The following DDX54 variants were observed in gnomAD, a reference collection of about 807,000 sequenced individuals.
DDX54 encodes ATP-dependent RNA helicase DDX54.
In DDX54, 67 loss-of-function variants were observed where a neutral mutation model predicts 105.5. That is an observed-to-expected ratio of 0.64 (90% confidence interval 0.52 to 0.78). The LOEUF is 0.78. Among genes scored for constraint, DDX54 ranks in the 30% least tolerant of loss-of-function variants. DDX54 has a pLI of 0.00. For missense variants in DDX54, 1,206 were observed against 1,230.5 expected, an observed-to-expected ratio of 0.98 and a Z score of 0.30; for synonymous variants, 514 against 509.9, an observed-to-expected ratio of 1.01 and a Z score of -0.11.
chr12:113,185,093 C>G (rs943815227), intron 1 of DDX54, among the ~76,000 whole-genome samples, 185 bp downstream of exon 1: 2 of 152,230 alleles, frequency 1.3e-5, no homozygotes, highest in African/African-American at 4.8e-5. Flanking sequence ...GGCCGCGGAA[C>G]CCTGAGCCTG....
intron 10 of DDX54, 121 bp from the exon 11 acceptor site, chr12:113,172,684 C>G (rs78501032): frequency 0.012 from 15,352 of 1,248,500 alleles, 107 homozygotes; most frequent in Non-Finnish European, 0.014. Context: ...GTTCTGGAGT[C>G]TGGCACCCTT....
chr12:113,174,308 T>C (rs769960254), intron 10 of DDX54, among the ~76,000 whole-genome samples: 1 of 152,056 alleles, frequency 6.6e-6, no homozygotes, highest in Non-Finnish European at 1.5e-5. Context: ...TGAGAACCTG[T>C]CTTTACAAAA....
rs1952151310 is a variant in DDX54, at chr12:113,157,818, G to T, written c.*1059C>A. 1.5e-5 allele frequency: 11 copies of T among 723,724 alleles called. No homozygotes were observed. In the South Asian group the frequency reaches 1.9e-4, roughly 12 times the overall value. 44.8% of individuals were successfully genotyped at this position (723,724 alleles called of 1,614,324 possible). On this transcript the variant is annotated 3_prime_UTR_variant, in exon 20 of 20. Transcript: ENST00000306014. Reference sequence around the variant, plus strand: ...TTGGGAAGATGGGAGGGCTGTGCCTGTTCAGAGTGCTGTGGGCCTGCCATG... The same window carrying T: ...TTGGGAAGATGGGAGGGCTGTGCCTTTTCAGAGTGCTGTGGGCCTGCCATG...
chr12:113,172,601 A>C (rs1427332108), intron 10 of DDX54, 38 bp from the exon 11 acceptor site: 2 of 1,605,966 alleles, frequency 1.2e-6, no homozygotes, highest in Non-Finnish European at 1.7e-6. Flanking sequence ...TGAGAAGGAG[A>C]CTTGGAGGAG....
chr12:113,159,092 C>T lies in DDX54; in HGVS notation c.2431G>A (p.Ala811Thr), dbSNP rs201014565. 2.7e-4 allele frequency: 439 copies of T among 1,601,950 alleles called. No individual in the cohort carries two copies. The highest frequency in any genetic ancestry group is 1.1e-3 in the East Asian group (51 of 44,678). ...DRGQGASRPH[A>T]PGTPAGRVRP... Reference sequence around the variant, plus strand: ...ACTCGGCCTGCAGGGGTGCCTGGGGCGTGGGGCCGGGATGCACCTGCTGGG... The same window carrying T: ...ACTCGGCCTGCAGGGGTGCCTGGGGTGTGGGGCCGGGATGCACCTGCTGGG... The change falls in exon 20 of 20, where the codon GCC becomes ACC. Residue 811 changes from alanine (A) to threonine (T), a missense_variant. Ala to Thr is a moderately conservative substitution (Grantham distance 58, BLOSUM62 0). Coordinates refer to ENST00000306014, the MANE Select transcript of DDX54 (RefSeq NM_024072.4).
chr12:113,175,169 G>GAGGGC lies in DDX54; in HGVS notation c.753-17_753-13dup. 1 of 1,598,590 alleles carries GAGGGC rather than the reference G, an allele frequency of 6.3e-7. No individual in the cohort carries two copies. Among genetic ancestry groups the GAGGGC allele is most frequent in the Non-Finnish European group, 8.5e-7 (1 of 1,174,562 alleles). On this transcript the variant is annotated splice_polypyrimidine_tract_variant and intron_variant, in intron 7 of 19. Transcript: ENST00000306014. ...CCATTTCAAAAAGCCTGGAAGGGTA[G>GAGGGC]AGGGCAGGACTGGGTCAGAGGGGGC...
intron 1 of DDX54, among the ~76,000 whole-genome samples, chr12:113,184,714 T>A (rs1214222180): frequency 6.6e-6 from 1 of 152,128 alleles, no homozygotes; most frequent in African/African-American, 2.4e-5. Context: ...TGGTCTCAGC[T>A]ACCGGAGAGG....
In DDX54 at chr12:113,176,828, C is replaced by A. The variant is rs752011913; in HGVS notation, c.752+12G>T. ...CAGACACAAGTGCTCAGGGCTGGACCTGCAGCCTTACCGGTCAGCTTCATC... is the reference window on the plus strand; with the variant it reads ...CAGACACAAGTGCTCAGGGCTGGACATGCAGCCTTACCGGTCAGCTTCATC... On this transcript the variant is annotated intron_variant, in intron 7 of 19. Coordinates refer to ENST00000306014, the MANE Select transcript of DDX54 (RefSeq NM_024072.4). The A allele has an allele frequency of 1.9e-6, 3 of 1,613,842 alleles. No individual in the cohort carries two copies. Among genetic ancestry groups the A allele is most frequent in the South Asian group, 1.1e-5 (1 of 91,034 alleles).
At chr12:113,180,656 T>G (rs1952455639) in intron 2 of DDX54, among the ~76,000 whole-genome samples, 1 of 151,612 alleles carries the variant, frequency 6.6e-6, no homozygotes, top group African/African-American at 2.4e-5. Context: ...TCCCTCCTTC[T>G]GAAATGTCCC....
intron 11 of DDX54, 24 bp downstream of exon 11, chr12:113,172,329 C>T (rs1952350455): frequency 6.2e-7 from 1 of 1,607,544 alleles, no homozygotes. Context: ...CTGCCTGCCC[C>T]AGGGCCAGCC....
In DDX54 at chr12:113,162,965, T is replaced by C. The variant is rs866568580; in HGVS notation, c.2162A>G (p.Gln721Arg). The C allele has an allele frequency of 4.4e-6, 7 of 1,607,824 alleles. No individual in the cohort carries two copies. The highest frequency in any genetic ancestry group is 5.9e-6 in the Non-Finnish European group (7 of 1,179,632). Residue 721 changes from glutamine (Q) to arginine (R), a missense_variant, in exon 17 of 20, where the codon CAG (glutamine) becomes CGG (arginine). By Grantham distance (43) the Gln-to-Arg change is conservative. Around this residue, in one of 3 missense-constraint regions of DDX54, gnomAD observed 961 missense variants for 1,019.1 expected, o/e 0.94. Coordinates refer to ENST00000306014, the MANE Select transcript of DDX54 (RefSeq NM_024072.4). ...CTGCTGCCGGCCCCTCGTCAGGTTC[T>C]GGGCTTCATCCCCCATCAAGTCCAG... ...AVLDLMGDEA[Q>R]NLTRGRQQLK...
chr12:113,161,742 G>C lies in DDX54; in HGVS notation c.2300+151C>G. On this transcript the variant is annotated intron_variant, in intron 18 of 19. Transcript: ENST00000306014. ...TGCTCGGCCCCGCCCCCAGCACCAG[G>C]TCCCATCTATTGGAGATGCGGCTGC... The C allele has an allele frequency of 7.9e-6, 5 of 636,650 alleles. No homozygotes were observed. In the South Asian group the frequency reaches 9.3e-5, roughly 12 times the overall value. 39.4% of individuals were successfully genotyped at this position (636,650 alleles called of 1,614,324 possible).
intron 1 of DDX54, among the ~76,000 whole-genome samples, chr12:113,183,541 C>T (rs998325438): frequency 1.3e-5 from 2 of 152,260 alleles, no homozygotes; most frequent in African/African-American, 2.4e-5. Context: ...TGCCCTGAGC[C>T]TACCTGGTGC....
chr12:113,162,898 C>G (rs372973666), intron 17 of DDX54, 34 bp downstream of exon 17: 6 of 1,543,388 alleles, frequency 3.9e-6, no homozygotes, highest in Non-Finnish European at 5.2e-6. Flanking sequence ...TCACTCACCC[C>G]GAGCATGGAG....
chr12:113,178,646 G>A (rs769515304), intron 5 of DDX54: 21 of 234,466 alleles, frequency 9.0e-5, no homozygotes, highest in Non-Finnish European at 2.5e-5. Flanking sequence ...GGGTTCAAGT[G>A]ATTCTCTTTT....
In DDX54 at chr12:113,164,053, G is replaced by T. The variant is rs1476327159; in HGVS notation, c.1938+14C>A. 1 of 1,539,302 alleles carries T rather than the reference G, an allele frequency of 6.5e-7. No individual in the cohort carries two copies. The highest frequency in any genetic ancestry group is 1.4e-5 in the African/African-American group (1 of 72,950). On this transcript the variant is annotated intron_variant, in intron 15 of 19. Transcript: ENST00000306014. ...CATACCCCAGGTCCAGGGTCCCCAGGGTGGAACCTGTACCTCCACACTCTC... is the reference window on the plus strand; with the variant it reads ...CATACCCCAGGTCCAGGGTCCCCAGTGTGGAACCTGTACCTCCACACTCTC...
chr12:113,179,054 G>A, intron 4 of DDX54, 28 bp from the exon 5 acceptor site: 1 of 1,613,946 alleles, frequency 6.2e-7, no homozygotes, highest in Non-Finnish European at 8.5e-7. Flanking sequence ...TTGAGAGAGG[G>A]CAGGGGTGAG....
At position 113,161,794 on chromosome 12, in the gene DDX54, TCCCCGC is replaced by T. The variant is rs1214387863; in HGVS notation, c.2300+93_2300+98del. On this transcript the variant is annotated intron_variant, in intron 18 of 19. Transcript: ENST00000306014. The stretch of plus-strand genomic sequence containing the variant: ...TAAGCCGCTCAGCCCCGCCCCCTCC[TCCCCGC>T]CCCCGCCCCCGCCCCCAGGTTCCAC... 9.8e-4 allele frequency: 84 copies of T among 85,598 alleles called. 1 individual carries two copies. In the East Asian group the frequency reaches 0.019, roughly 20 times the overall value. The allele number at this position is 85,598 out of a possible 1,614,324, so 5.3% of individuals were successfully genotyped here.
rs1952147999 is a variant in DDX54 at position 113,157,668 on chromosome 12, C to T, written c.*1209G>A. 6.4e-7 allele frequency: 1 copy of T among 1,551,268 alleles called. No individual in the cohort carries two copies. The highest frequency in any genetic ancestry group is 2.0e-5 in the Admixed American group (1 of 50,996). On this transcript the variant is annotated 3_prime_UTR_variant, in exon 20 of 20. Coordinates refer to ENST00000306014, the MANE Select transcript of DDX54 (RefSeq NM_024072.4). ...CCTGGGTCAGGCTGAGCCTGCAGCC[C>T]CTGCCTCCTAGCCCTGACACAGGTG...
Sources: gnomAD v4.1 joint callset for allele counts (sites outside exome capture counted in the v4.1 genomes callset) on GRCh38, gnomAD v4.1.1 for gene constraint, gnomAD v4.1.1 regional missense constraint, MANE v1.5 for transcripts, NCBI Gene and HGNC (gene_info 2026-07-23, HGNC 2026-07-21) for gene names.